The following IFI6 variants were observed in gnomAD, a reference collection of about 807,000 sequenced individuals.
IFI6 encodes interferon alpha inducible protein 6.
IFI6 carries 10 observed loss-of-function variants against 12.7 expected under a neutral mutation model. The observed-to-expected ratio is 0.79, with a 90% CI of 0.49 to 1.33. IFI6 has a LOEUF of 1.33. IFI6 is among the 40% of genes most tolerant of loss of function. The probability of loss-of-function intolerance (pLI) is 0.00; values close to 1 mark genes in which losing one functional copy is unlikely to be tolerated. For synonymous variants in IFI6, 89 were observed against 86.2 expected (o/e 1.03, Z -0.18); for missense variants, 154 against 180.4 (o/e 0.85, Z 0.84).
chr1:27,669,133 T>C, intron 2 of IFI6, 112 bp downstream of exon 2: 1 of 1,251,314 alleles, frequency 8.0e-7, no homozygotes. Flanking sequence ...ACCTGCATCC[T>C]TACCCGCATC....
chr1:27,668,157 GT>G, intron 4 of IFI6, 68 bp downstream of exon 4: 1 of 1,342,014 alleles, frequency 7.5e-7, no homozygotes. Flanking sequence ...GAGTGCCTCA[GT>G]TTCCCCAGAT....
intron 4 of IFI6, 105 bp from the exon 5 acceptor site, chr1:27,666,580 G>C: frequency 1.4e-6 from 1 of 728,168 alleles, no homozygotes; most frequent in East Asian, 2.7e-5. Context: ...TCTAGATGGA[G>C]AAACAGAGGC....
intron 1 of IFI6, chr1:27,670,080 T>C (rs2090393060): frequency 6.6e-6 from 1 of 152,164 alleles, no homozygotes; most frequent in Admixed American, 6.5e-5. Context: ...TATGGGTAGA[T>C]AGTGGCCGAT....
Position 27,669,354 on chromosome 1 carries a change from C to T in IFI6, c.-32-8G>A, listed in dbSNP as rs745868360. The T allele has an allele frequency of 2.6e-6, 4 of 1,525,486 alleles. No individual in the cohort carries two copies. The highest frequency in any genetic ancestry group is 2.4e-5 in the South Asian group (2 of 83,430). 94.5% of individuals were successfully genotyped at this position (1,525,486 alleles called of 1,614,324 possible). On this transcript the variant is annotated splice_region_variant and splice_polypyrimidine_tract_variant and intron_variant, in intron 1 of 4. Transcript: ENST00000361157. ...CGGGCTCCGTCACTAGACCTGCGAA[C>T]GGGCGAGAGGGAGATGGTCCCCGGA...
intron 1 of IFI6, among the ~76,000 whole-genome samples, chr1:27,670,658 A>G (rs1022577701): frequency 1.3e-5 from 2 of 152,182 alleles, no homozygotes; most frequent in Middle Eastern, 3.2e-3. Flanking sequence ...GTATGGGAGA[A>G]AGGGCATGGA....
At position 27,669,373 on chromosome 1, in the gene IFI6, C is replaced by G. The variant is rs1041654079; in HGVS notation, c.-32-27G>C. 2.8e-6 allele frequency: 4 copies of G among 1,407,446 alleles called. No individual in the cohort carries two copies. The African/African-American group carries it at 5.7e-5, about 20-fold the overall frequency. 87.2% of individuals were successfully genotyped at this position (1,407,446 alleles called of 1,614,324 possible). On this transcript the variant is annotated intron_variant, in intron 1 of 4. Transcript: ENST00000361157. ...TGCGAACGGGCGAGAGGGAGATGGT[C>G]CCCGGAGCATTTTTGGAGCTCATCA... is the stretch of plus-strand genomic sequence containing the variant.
chr1:27,668,481 A>C lies in IFI6; in HGVS notation c.125T>G (p.Leu42Arg). Residue 42 changes from leucine (L) to arginine (R), a missense_variant, in exon 3 of 5, where the codon CTG (leucine) becomes CGG (arginine). Physicochemically the swap from Leu to Arg is moderately radical, Grantham distance 102 (BLOSUM62 -2). Coordinates refer to ENST00000361157, the MANE Select transcript of IFI6 (RefSeq NM_002038.4). ...ACCTCCTCCGACGGCCATGAAGGTCAGGGCCTTCCAGAACCCGGAGCCGCT... is the reference window on the plus strand; with the variant it reads ...ACCTCCTCCGACGGCCATGAAGGTCCGGGCCTTCCAGAACCCGGAGCCGCT... ...SDSGSGFWKA[L>R]TFMAVGGGLA... 1 of 1,611,750 alleles carries C rather than the reference A, an allele frequency of 6.2e-7. No homozygotes were observed. The highest frequency in any genetic ancestry group is 8.5e-7 in the Non-Finnish European group (1 of 1,179,040).
intron 2 of IFI6, 85 bp downstream of exon 2, chr1:27,669,160 C>G (rs2090383702): frequency 7.0e-7 from 1 of 1,433,486 alleles, no homozygotes; most frequent in Admixed American, 2.0e-5. Flanking sequence ...TGCATCCTTA[C>G]CCGCATCCTT....
At chr1:27,667,927 C>T (rs556914008) in intron 4 of IFI6, among the ~76,000 whole-genome samples, 1 of 152,228 alleles carries the variant, frequency 6.6e-6, no homozygotes, top group Non-Finnish European at 1.5e-5. Context: ...AAAAATTAGC[C>T]GGGCGTGGTG....
At position 27,668,452 on chromosome 1, in the gene IFI6, A is replaced by T. The variant is rs1457820124; in HGVS notation, c.148+6T>A. The T allele has an allele frequency of 1.7e-5, 27 of 1,609,268 alleles. No homozygotes were observed. The Middle Eastern group carries it at 4.9e-4, about 29-fold the overall frequency. ...CCTGCCCGAGATCCTCGCCCTCCAG[A>T]CCCACCTCCTCCGACGGCCATGAAG... On this transcript the variant is annotated splice_donor_region_variant and intron_variant, in intron 3 of 4. Transcript: ENST00000361157.
In IFI6 at chr1:27,669,273, C is replaced by G; in HGVS notation, c.42G>C (p.Leu14=). 6.4e-7 allele frequency: 1 copy of G among 1,552,188 alleles called. No homozygotes were observed. Residue 14 remains leucine (L), a synonymous_variant, in exon 2 of 5, where the codon CTG becomes CTC. Coordinates refer to ENST00000361157, the MANE Select transcript of IFI6 (RefSeq NM_002038.4). ...KAVSLFLCYL[L]LFTCSGVEAG... ...CCTCCACCCCACTGCAAGTGAAGAG[C>G]AGCAGGTAGCACAAGAAAAGCGATA...
chr1:27,667,240 C>CAAAAAAAAA (rs761365595), intron 4 of IFI6, among the ~76,000 whole-genome samples: 1 of 12,268 alleles, frequency 8.2e-5, no homozygotes, highest in Non-Finnish European at 2.2e-4. Flanking sequence ...CCCGTCTCTA[C>CAAAAAAAAA]AAAAAAAAAA....
chr1:27,669,670 T>G (rs1268003463), intron 1 of IFI6: 1 of 301,550 alleles, frequency 3.3e-6, no homozygotes, highest in South Asian at 3.3e-5. Context: ...ACTAGGGTAC[T>G]TTGCTTCTCT....
At chr1:27,671,638 G>A (rs771388712) in intron 1 of IFI6, among the ~76,000 whole-genome samples, 9 of 151,000 alleles carry the variant, frequency 6.0e-5, no homozygotes, top group Admixed American at 4.0e-4. Context: ...CGTGGGTCTC[G>A]GCCTCCCAAA....
rs1343957335 is a variant in IFI6 at position 27,666,437 on chromosome 1, C to G, written c.337G>C (p.Ala113Pro). The G allele has an allele frequency of 1.9e-6, 3 of 1,613,830 alleles. No homozygotes were observed. Among genetic ancestry groups the G allele is most frequent in the Non-Finnish European group, 2.5e-6 (3 of 1,179,982 alleles). Residue 113 changes from alanine to proline, a missense_variant, in exon 5 of 5, where the codon GCC becomes CCC. Transcript: ENST00000361157. ...GSSVVIGNIG[A>P]LMGYATHKYL... ...TTGTGGGTGGCGTAGCCCATCAGGGCACCAATATTACCTATGACGACGCTG... is the reference window on the plus strand; with the variant it reads ...TTGTGGGTGGCGTAGCCCATCAGGGGACCAATATTACCTATGACGACGCTG...
chr1:27,666,515 C>T (rs1571430722), intron 4 of IFI6, 40 bp from the exon 5 acceptor site: 4 of 1,449,724 alleles, frequency 2.8e-6, no homozygotes, highest in East Asian at 2.3e-5. Context: ...GGCCCAAGTG[C>T]CAGGCCTGGG....
In IFI6 at chr1:27,669,242, C is replaced by T. The variant is rs878876285; in HGVS notation, c.70+3G>A. On this transcript the variant is annotated splice_donor_region_variant and intron_variant, in intron 2 of 4. Coordinates refer to ENST00000361157, the MANE Select transcript of IFI6 (RefSeq NM_002038.4). ...TTACCTGCATCCTTACCCGCATTCT[C>T]ACCTGCCTCCACCCCACTGCAAGTG... The T allele has an allele frequency of 7.1e-6, 11 of 1,551,766 alleles. No homozygotes were observed. The Admixed American group carries it at 1.4e-4, about 19-fold the overall frequency.
intron 2 of IFI6, among the ~76,000 whole-genome samples, chr1:27,669,034 T>C (rs71514290): frequency 0.013 from 20 of 1,490 alleles, no homozygotes; most frequent in Admixed American, 0.061. Flanking sequence ...CTTACCTGCA[T>C]CCTTACCTGC....
chr1:27,669,162 C>T (rs2090383744), intron 2 of IFI6, 83 bp downstream of exon 2: 7 of 1,417,648 alleles, frequency 4.9e-6, no homozygotes, highest in Admixed American at 2.0e-5. Context: ...CATCCTTACC[C>T]GCATCCTTAC....
Sources: allele counts gnomAD v4.1 joint callset (sites outside exome capture counted in the v4.1 genomes callset), GRCh38; gene constraint gnomAD v4.1.1; transcripts MANE v1.5; gene names NCBI Gene and HGNC (gene_info 2026-07-23, HGNC 2026-07-21).